The following RBMS1 variants were observed in gnomAD, a reference collection of about 807,000 sequenced individuals.
RBMS1 encodes RNA-binding motif, single-stranded-interacting protein 1.
In RBMS1, 17 loss-of-function variants were observed where a neutral mutation model predicts 62.3. The observed-to-expected ratio is 0.27, with a 90% CI of 0.19 to 0.41. The LOEUF is 0.41. RBMS1 is among the 10% of genes least tolerant of loss of function. RBMS1 has a pLI of 1.00. For synonymous variants in RBMS1, 172 were observed against 170.0 expected (o/e 1.01, Z -0.09); for missense variants, 334 against 504.5 (o/e 0.66, Z 3.24).
At chr2:160,318,143 C>A in intron 3 of RBMS1, 26 bp downstream of exon 3, 1 of 1,562,672 alleles carries the variant, frequency 6.4e-7, no homozygotes. Flanking sequence ...CTATCATTTA[C>A]CAAATAACCA....
In RBMS1 at chr2:160,493,376, G is replaced by C. The variant is rs747107052; in HGVS notation, c.-13C>G. On this transcript the variant is annotated 5_prime_UTR_variant, in exon 1 of 14. Transcript: ENST00000348849. ...ACACTTTGCCCATGAAGCTGGAAGG[G>C]AGCCTGCCGTGCAGGGTCGCGGACA... The C allele has an allele frequency of 9.1e-5, 146 of 1,612,740 alleles. No individual in the cohort carries two copies. In the South Asian group the frequency reaches 1.6e-3, roughly 17 times the overall value.
At chr2:160,468,613 G>A (rs1328670750) in intron 1 of RBMS1, among the ~76,000 whole-genome samples, 1 of 152,080 alleles carries the variant, frequency 6.6e-6, no homozygotes, top group African/African-American at 2.4e-5. Flanking sequence ...TACAGTATGT[G>A]GGACAGGTAA....
chr2:160,332,272 T>C (rs192733321), intron 2 of RBMS1, among the ~76,000 whole-genome samples: 1 of 152,328 alleles, frequency 6.6e-6, no homozygotes, highest in Non-Finnish European at 1.5e-5. Context: ...ACAGAATTAC[T>C]GAGTAAAAGA....
At chr2:160,319,350 A>G (rs1360527568) in intron 2 of RBMS1, among the ~76,000 whole-genome samples, 1 of 152,132 alleles carries the variant, frequency 6.6e-6, no homozygotes, top group East Asian at 1.9e-4. Context: ...TGTCTCTACT[A>G]AAAATACAAA....
intron 2 of RBMS1, among the ~76,000 whole-genome samples, chr2:160,344,039 T>C (rs1692038275): frequency 6.6e-6 from 1 of 152,116 alleles, no homozygotes. Flanking sequence ...GTGTGCAAGA[T>C]TAAAGATATG....
At chr2:160,342,232 C>A (rs982613258) in intron 2 of RBMS1, among the ~76,000 whole-genome samples, 1 of 152,148 alleles carries the variant, frequency 6.6e-6, no homozygotes, top group Non-Finnish European at 1.5e-5. Context: ...CAGCTATTCA[C>A]TTGTGTTCCT....
At chr2:160,453,927 C>CA (rs1684102587) in intron 1 of RBMS1, among the ~76,000 whole-genome samples, 1 of 152,178 alleles carries the variant, frequency 6.6e-6, no homozygotes, top group Non-Finnish European at 1.5e-5. Flanking sequence ...CAGCCTTCTC[C>CA]AGCTAACAAA....
chr2:160,320,286 G>A (rs975642698), intron 2 of RBMS1, among the ~76,000 whole-genome samples: 5 of 152,140 alleles, frequency 3.3e-5, no homozygotes, highest in African/African-American at 9.7e-5. Flanking sequence ...TGGGCAACAC[G>A]GCAAAACCCC....
chr2:160,415,814 A>C (rs1696187883), intron 1 of RBMS1, among the ~76,000 whole-genome samples: 1 of 152,136 alleles, frequency 6.6e-6, no homozygotes, highest in Non-Finnish European at 1.5e-5. Flanking sequence ...TGCTAAAATT[A>C]CCATTAAATT....
At chr2:160,325,733 C>T (rs929996208) in intron 2 of RBMS1, among the ~76,000 whole-genome samples, 3 of 152,080 alleles carry the variant, frequency 2.0e-5, no homozygotes, top group African/African-American at 7.2e-5. Flanking sequence ...GGGTCATTAC[C>T]CATGTTATTC....
intron 1 of RBMS1, among the ~76,000 whole-genome samples, chr2:160,399,835 A>G (rs568137075): frequency 6.6e-6 from 1 of 152,330 alleles, no homozygotes; most frequent in South Asian, 2.1e-4. Context: ...GATAGGACCG[A>G]TAACTAAGAA....
chr2:160,426,297 A>AAGACG (rs1682606327), intron 1 of RBMS1, among the ~76,000 whole-genome samples: 1 of 56,102 alleles, frequency 1.8e-5, no homozygotes. Context: ...AAGAAAAGAA[A>AAGACG]GAAGGAAGGA....
intron 1 of RBMS1, among the ~76,000 whole-genome samples, chr2:160,485,231 G>A (rs1375235071): frequency 6.6e-6 from 1 of 152,192 alleles, no homozygotes; most frequent in Non-Finnish European, 1.5e-5. Context: ...GGAAGCTCCA[G>A]CACAAACTCC....
At chr2:160,299,408 T>C (rs1689098283) in intron 6 of RBMS1, among the ~76,000 whole-genome samples, 1 of 152,268 alleles carries the variant, frequency 6.6e-6, no homozygotes, top group Admixed American at 6.5e-5. Context: ...TCACAAGTTT[T>C]GTTCCTAGTG....
chr2:160,440,488 C>A (rs894459961), intron 1 of RBMS1, among the ~76,000 whole-genome samples: 4 of 152,174 alleles, frequency 2.6e-5, no homozygotes, highest in Non-Finnish European at 1.5e-5. Flanking sequence ...GAAGGATCTC[C>A]ATGTACCACC....
At chr2:160,353,718 G>GT (rs1361203933) in intron 2 of RBMS1, among the ~76,000 whole-genome samples, 1 of 152,016 alleles carries the variant, frequency 6.6e-6, no homozygotes, top group African/African-American at 2.4e-5. Flanking sequence ...CCCCTTCCTA[G>GT]TTTTGTGACT....
intron 2 of RBMS1, among the ~76,000 whole-genome samples, chr2:160,362,817 G>A (rs985580498): frequency 6.6e-6 from 1 of 151,784 alleles, no homozygotes; most frequent in Non-Finnish European, 1.5e-5. Flanking sequence ...ACAGTAAAAC[G>A]AGGTATGCCT....
At chr2:160,425,271 T>G (rs899307120) in intron 1 of RBMS1, among the ~76,000 whole-genome samples, 5 of 152,234 alleles carry the variant, frequency 3.3e-5, no homozygotes, top group Non-Finnish European at 5.9e-5. Flanking sequence ...GAATCCTTTT[T>G]AACCTAAAGG....
intron 3 of RBMS1, among the ~76,000 whole-genome samples, chr2:160,317,160 T>G (rs563881050): frequency 7.1e-4 from 108 of 152,334 alleles, no homozygotes; most frequent in Non-Finnish European, 1.2e-3. Flanking sequence ...TTAGGCACTT[T>G]GAAGAAGAGA....
Sources: gnomAD v4.1 joint callset for allele counts (sites outside exome capture counted in the v4.1 genomes callset) on GRCh38, gnomAD v4.1.1 for gene constraint, MANE v1.5 for transcripts, NCBI Gene and HGNC (gene_info 2026-07-23, HGNC 2026-07-21) for gene names.